GIGYF2: variants seen among roughly 807,000 people sequenced by gnomAD.
GIGYF2 encodes GRB10 interacting GYF protein 2.
A neutral mutation model predicts 208.1 loss-of-function variants in GIGYF2; 25 were observed. The ratio of observed to expected loss-of-function variants is 0.12; its 90% CI spans 0.09 to 0.17. The LOEUF (loss-of-function observed/expected upper bound fraction) is 0.17. GIGYF2 is among the 10% of genes least tolerant of loss of function. GIGYF2 has a pLI of 1.00. For synonymous variants in GIGYF2, 534 were observed against 543.8 expected (o/e 0.98, Z 0.25); for missense variants, 1,302 against 1,579.4 (o/e 0.82, Z 2.98).
At chr2:232,716,206 T>A (rs554364648) in intron 2 of GIGYF2, among the ~76,000 whole-genome samples, 2 of 152,278 alleles carry the variant, frequency 1.3e-5, no homozygotes, top group African/African-American at 4.8e-5. Context: ...TTTGGACTTT[T>A]CCTTTTCATC....
chr2:232,807,427 A>G (rs1381094973), intron 15 of GIGYF2, among the ~76,000 whole-genome samples: 1 of 152,304 alleles, frequency 6.6e-6, no homozygotes, highest in African/African-American at 2.4e-5. Context: ...AGTGGCAGAG[A>G]TGGGATGATC....
At chr2:232,811,781 T>A (rs1323839227) in intron 17 of GIGYF2, among the ~76,000 whole-genome samples, 1 of 152,196 alleles carries the variant, frequency 6.6e-6, no homozygotes, top group Non-Finnish European at 1.5e-5. Flanking sequence ...CTAGAAGAAA[T>A]TTCTGCTGTT....
Position 232,780,635 on chromosome 2 carries a change from A to T in GIGYF2, c.533-6515A>T, listed in dbSNP as rs181077308. The stretch of plus-strand genomic sequence containing the variant: ...GAGCTCATTCATTGACTGTAGATTA[A>T]GAATATTTGGTTCAGGCATGAGTTT... On this transcript the variant is annotated intron_variant, in intron 8 of 28. Coordinates refer to ENST00000373563, the MANE Select transcript of GIGYF2 (RefSeq NM_001103146.3). 2.0e-5 allele frequency among the ~76,000 whole-genome samples: 3 copies of T among 152,344 alleles called. No homozygotes were observed. In the East Asian group the frequency reaches 5.8e-4, roughly 29 times the overall value.
At chr2:232,843,130 A>G (rs1189558824) in intron 23 of GIGYF2, 1 of 124,214 alleles carries the variant, frequency 8.1e-6, no homozygotes, top group African/African-American at 3.1e-5. Context: ...TCATGTGTTT[A>G]TGCTGTGTGT....
At chr2:232,749,333 T>C (rs969200885) in intron 5 of GIGYF2, among the ~76,000 whole-genome samples, 8 of 152,138 alleles carry the variant, frequency 5.3e-5, no homozygotes, top group African/African-American at 1.9e-4. Flanking sequence ...CTTACTCAAG[T>C]AGAGAGGAAG....
intron 2 of GIGYF2, chr2:232,706,015 T>C (rs942953753): frequency 1.3e-4 from 20 of 152,200 alleles, no homozygotes; most frequent in African/African-American, 4.3e-4. Context: ...CGTTTATTAT[T>C]GTTTGTAGCT....
At chr2:232,835,518 G>C (rs1313819922) in intron 22 of GIGYF2, among the ~76,000 whole-genome samples, 1 of 152,092 alleles carries the variant, frequency 6.6e-6, no homozygotes, top group Non-Finnish European at 1.5e-5. Context: ...ATACTTTCCT[G>C]TTTCTTGCAT....
At chr2:232,767,471 G>A (rs755200945) in intron 8 of GIGYF2, 19 of 152,486 alleles carry the variant, frequency 1.2e-4, no homozygotes, top group African/African-American at 3.4e-4. Context: ...AAAATTTTGC[G>A]TCTCCTTGCA....
intron 27 of GIGYF2, among the ~76,000 whole-genome samples, chr2:232,849,220 A>G (rs1054531705): frequency 3.3e-5 from 5 of 152,134 alleles, no homozygotes; most frequent in Non-Finnish European, 5.9e-5. Context: ...GCTGGAGTGC[A>G]GTAGCGCGAT....
chr2:232,858,845 C>T lies in GIGYF2; in HGVS notation c.*1985C>T. On this transcript the variant is annotated 3_prime_UTR_variant, in exon 29 of 29. Coordinates refer to ENST00000373563, the MANE Select transcript of GIGYF2 (RefSeq NM_001103146.3). ...GACCAAATATCTTTTCTCTTTTTGA[C>T]TCTCCCTTTCTGCTAACATGTGGAT... 1 of 285,858 alleles carries T rather than the reference C, an allele frequency of 3.5e-6. No homozygotes were observed. Among genetic ancestry groups the T allele is most frequent in the Non-Finnish European group, 6.8e-6 (1 of 146,520 alleles). The allele number at this position is 285,858 out of a possible 1,614,324, so 17.7% of individuals were successfully genotyped here.
At chr2:232,762,440 A>G (rs1054539123) in intron 8 of GIGYF2, among the ~76,000 whole-genome samples, 13 of 151,694 alleles carry the variant, frequency 8.6e-5, no homozygotes, top group Middle Eastern at 3.4e-3. Flanking sequence ...TTTAGTTGAG[A>G]TGGGGTTTCA....
At chr2:232,821,733 T>C (rs1420613495) in intron 21 of GIGYF2, among the ~76,000 whole-genome samples, 1 of 152,150 alleles carries the variant, frequency 6.6e-6, no homozygotes, top group Non-Finnish European at 1.5e-5. Flanking sequence ...TTTTTTTGTT[T>C]CTATGTAAGA....
chr2:232,840,181 T>C (rs962145231), intron 23 of GIGYF2, among the ~76,000 whole-genome samples: 3 of 152,232 alleles, frequency 2.0e-5, no homozygotes, highest in African/African-American at 7.2e-5. Context: ...GTAACATAAC[T>C]GTTCAGTTTT....
chr2:232,779,781 A>G (rs1181828452), intron 8 of GIGYF2, among the ~76,000 whole-genome samples: 1 of 152,134 alleles, frequency 6.6e-6, no homozygotes, highest in Admixed American at 6.5e-5. Flanking sequence ...TGAGCAGGTT[A>G]TTTATTCCTC....
intron 18 of GIGYF2, among the ~76,000 whole-genome samples, chr2:232,814,327 C>T (rs1700836714): frequency 6.6e-6 from 1 of 151,894 alleles, no homozygotes; most frequent in Non-Finnish European, 1.5e-5. Context: ...CTTTGGGAGG[C>T]CGAGGTGGGT....
chr2:232,713,737 A>C (rs1356155876), intron 2 of GIGYF2, among the ~76,000 whole-genome samples: 2 of 152,130 alleles, frequency 1.3e-5, no homozygotes, highest in East Asian at 3.9e-4. Context: ...TATTTTGTAG[A>C]ATGACTCTCT....
At chr2:232,718,611 C>T (rs566233867) in intron 2 of GIGYF2, among the ~76,000 whole-genome samples, 54 of 152,288 alleles carry the variant, frequency 3.5e-4, no homozygotes, top group African/African-American at 1.2e-3. Flanking sequence ...TATGGGATCA[C>T]AGGGTAGGCA....
intron 2 of GIGYF2, among the ~76,000 whole-genome samples, chr2:232,709,470 C>T (rs967543535): frequency 1.3e-4 from 20 of 152,094 alleles, no homozygotes; most frequent in Admixed American, 4.6e-4. Flanking sequence ...GCTATACGCG[C>T]GGCCCATCAC....
chr2:232,700,491 G>A (rs537130718), intron 1 of GIGYF2: 1 of 152,216 alleles, frequency 6.6e-6, no homozygotes, highest in East Asian at 1.9e-4. Flanking sequence ...TCTTTGACTT[G>A]TGCCATTTTC....
Sources: gnomAD v4.1 joint callset for allele counts (sites outside exome capture counted in the v4.1 genomes callset) on GRCh38, gnomAD v4.1.1 for gene constraint, MANE v1.5 for transcripts, NCBI Gene and HGNC (gene_info 2026-07-23, HGNC 2026-07-21) for gene names.